ADGRV1: variants seen among roughly 807,000 people sequenced by gnomAD.
ADGRV1 encodes the protein adhesion G protein-coupled receptor V1.
In ADGRV1, 359 loss-of-function variants were observed where a neutral mutation model predicts 596.2. The ratio of observed to expected loss-of-function variants is 0.60; its 90% CI spans 0.55 to 0.66. ADGRV1 has a LOEUF of 0.66. ADGRV1 is among the 30% of genes least tolerant of loss of function. The pLI, the probability that ADGRV1 is intolerant of heterozygous loss-of-function variation, is 0.00. For synonymous variants in ADGRV1, 2,681 were observed against 2,679.2 expected, an observed-to-expected ratio of 1.00 and a Z score of -0.02; for missense variants, 7,274 against 7,575.6, an observed-to-expected ratio of 0.96 and a Z score of 1.48.
intron 38 of ADGRV1, 25 bp from the exon 39 acceptor site, chr5:90,708,790 GA>G (rs1427306579): frequency 2.1e-6 from 3 of 1,414,476 alleles, no homozygotes; most frequent in Non-Finnish European, 3.0e-6. Flanking sequence ...ATAACTAAAG[GA>G]ATTTAATGAG....
intron 85 of ADGRV1, among the ~76,000 whole-genome samples, chr5:90,997,177 A>C (rs1204978223): frequency 6.6e-6 from 1 of 152,066 alleles, no homozygotes; most frequent in East Asian, 1.9e-4. Flanking sequence ...TGGTAGTATG[A>C]TATAGTTTGG....
At chr5:90,644,601 A>G in intron 14 of ADGRV1, 105 bp from the exon 15 acceptor site, 1 of 841,740 alleles carries the variant, frequency 1.2e-6, no homozygotes, top group Non-Finnish European at 1.9e-6. Context: ...CAGTTATTAA[A>G]AAGAGGTGTT....
intron 77 of ADGRV1, among the ~76,000 whole-genome samples, chr5:90,836,775 G>A (rs1388245367): frequency 6.6e-6 from 1 of 152,174 alleles, no homozygotes; most frequent in Non-Finnish European, 1.5e-5. Flanking sequence ...ATAACTGCAT[G>A]TAAATCTGCA....
At position 90,753,726 on chromosome 5, in the gene ADGRV1, G is replaced by C. The variant is rs1755522886; in HGVS notation, c.11274G>C (p.Gln3758His). Residue 3758 changes from glutamine (Q) to histidine (H), a missense_variant, in exon 54 of 90, where the codon CAG becomes CAC. Gln to His is a conservative substitution (Grantham distance 24). This residue lies in a region of ADGRV1 where 3,643 missense variants were observed against 3,809.2 expected (regional missense o/e 0.96). Transcript: ENST00000405460. ...EDSYKGATIDQDRSKSVITTL... is the reference protein window; with the variant it reads ...EDSYKGATIDHDRSKSVITTL... The stretch of plus-strand genomic sequence containing the variant: ...CATACAAAGGTGCTACTATTGATCA[G>C]GACAGAAGCAAGTCTGTTATAACAA... 1 of 1,613,442 alleles carries C rather than the reference G, an allele frequency of 6.2e-7. No individual in the cohort carries two copies. The highest frequency in any genetic ancestry group is 1.3e-5 in the African/African-American group (1 of 74,890).
At chr5:90,857,464 A>G (rs562971083) in intron 82 of ADGRV1, among the ~76,000 whole-genome samples, 20 of 152,180 alleles carry the variant, frequency 1.3e-4, no homozygotes, top group Non-Finnish European at 2.9e-4. Context: ...AGGACTGAAT[A>G]TAATGAGTTT....
chr5:91,141,820 G>A (rs1795124890), intron 87 of ADGRV1, among the ~76,000 whole-genome samples: 2 of 152,188 alleles, frequency 1.3e-5, no homozygotes. Flanking sequence ...AGGGGTGTCT[G>A]CCAAGGGGAC....
intron 83 of ADGRV1, among the ~76,000 whole-genome samples, chr5:90,959,477 T>C (rs1777781362): frequency 6.6e-6 from 1 of 152,126 alleles, no homozygotes; most frequent in Non-Finnish European, 1.5e-5. Context: ...ATAAAAGTCA[T>C]ATGGAAATGC....
intron 56 of ADGRV1, 81 bp downstream of exon 56, chr5:90,756,711 C>A: frequency 8.5e-7 from 1 of 1,171,308 alleles, no homozygotes. Context: ...TTTAGCTTTG[C>A]CTGTATTTAT....
chr5:90,724,094 A>T (rs1003016438), intron 45 of ADGRV1, among the ~76,000 whole-genome samples: 4 of 152,088 alleles, frequency 2.6e-5, no homozygotes, highest in Non-Finnish European at 4.4e-5. Context: ...AATAGCGTAA[A>T]TTTTTTAAAC....
chr5:90,643,798 T>C lies in ADGRV1; in HGVS notation c.2554-5T>C. The C allele has an allele frequency of 6.3e-7, 1 of 1,589,982 alleles. No individual in the cohort carries two copies. Among genetic ancestry groups the C allele is most frequent in the South Asian group, 1.2e-5 (1 of 85,876 alleles). ...AATTTCCATACTTTGACACATTCAC[T>C]TTAGTTGGATGAACACTACTGGGTG... On this transcript the variant is annotated splice_polypyrimidine_tract_variant and splice_region_variant and intron_variant, in intron 13 of 89. Transcript: ENST00000405460.
intron 84 of ADGRV1, among the ~76,000 whole-genome samples, chr5:90,975,879 G>T (rs528422278): frequency 3.2e-4 from 48 of 151,442 alleles, no homozygotes; most frequent in African/African-American, 1.1e-3. Flanking sequence ...ATAAGGCAGG[G>T]TTATATCTAC....
intron 45 of ADGRV1, among the ~76,000 whole-genome samples, chr5:90,722,540 A>G (rs535954544): frequency 4.2e-4 from 64 of 151,322 alleles, no homozygotes; most frequent in Non-Finnish European, 5.8e-4. Context: ...GAGAAACCCC[A>G]TCTCTACTAA....
chr5:90,643,805 G>C lies in ADGRV1; in HGVS notation c.2556G>C (p.Leu852Phe). 1 of 1,594,464 alleles carries C rather than the reference G, an allele frequency of 6.3e-7. No homozygotes were observed. The highest frequency in any genetic ancestry group is 8.5e-7 in the Non-Finnish European group (1 of 1,170,482). The change falls in exon 14 of 90, where the codon TTG (leucine) becomes TTC (phenylalanine). Residue 852 changes from leucine (L) to phenylalanine (F), a missense_variant and splice_region_variant. Leu to Phe is a conservative substitution (Grantham distance 22). Coordinates refer to ENST00000405460, the MANE Select transcript of ADGRV1 (RefSeq NM_032119.4). ...ATACTTTGACACATTCACTTTAGTT[G>C]GATGAACACTACTGGGTGGTCCTCA... is the stretch of plus-strand genomic sequence containing the variant. Reference protein sequence around the residue: ...LLARLDGIPELDEHYWVVLSS... With the variant: ...LLARLDGIPEFDEHYWVVLSS...
rs1404081560 is a variant in ADGRV1, at chr5:90,848,673, G to A, written c.17056G>A (p.Ala5686Thr). 1 of 1,553,398 alleles carries A rather than the reference G, an allele frequency of 6.4e-7. No homozygotes were observed. The highest frequency in any genetic ancestry group is 1.4e-5 in the African/African-American group (1 of 72,466). Residue 5686 changes from alanine (A) to threonine (T), a missense_variant, in exon 79 of 90, where the codon GCC becomes ACC. Around this residue, in one of 5 missense-constraint regions of ADGRV1, gnomAD observed 1,874 missense variants for 1,970.2 expected, o/e 0.95. Transcript: ENST00000405460. ...TEGKIQAFSV[A>T]SRTLFYEILC... ...AGGAAAAATTCAAGCTTTCAGTGTT[G>A]CCAGCCGAACTCTTTTCTATGAGAT... is the stretch of plus-strand genomic sequence containing the variant.
chr5:91,048,667 TTC>T (rs1350416820), intron 85 of ADGRV1, among the ~76,000 whole-genome samples: 1 of 152,212 alleles, frequency 6.6e-6, no homozygotes, highest in Non-Finnish European at 1.5e-5. Context: ...CTGACTTTCT[TTC>T]TCTCTTTCCT....
intron 15 of ADGRV1, 67 bp from the exon 16 acceptor site, chr5:90,645,901 T>A (rs1767681799): frequency 1.6e-6 from 2 of 1,260,688 alleles, no homozygotes; most frequent in South Asian, 2.0e-5. Flanking sequence ...ACTGAATAAT[T>A]TAAGAATATA....
chr5:90,776,294 CAG>C (rs1397361240), intron 60 of ADGRV1, among the ~76,000 whole-genome samples, 157 bp from the exon 61 acceptor site: 1 of 152,066 alleles, frequency 6.6e-6, no homozygotes, highest in Non-Finnish European at 1.5e-5. Context: ...CAATGTGCTT[CAG>C]AGTCATAGGT....
At chr5:90,618,030 A>G (rs1045906466) in intron 3 of ADGRV1, 77 bp downstream of exon 3, 4 of 1,123,190 alleles carry the variant, frequency 3.6e-6, no homozygotes, top group Admixed American at 2.7e-5. Flanking sequence ...GTGCTTAACA[A>G]TCTATCTATC....
chr5:91,054,264 C>G (rs1238837037), intron 85 of ADGRV1, among the ~76,000 whole-genome samples: 1 of 152,126 alleles, frequency 6.6e-6, no homozygotes, highest in African/African-American at 2.4e-5. Context: ...TCATTTCTCT[C>G]ATTTTTAATT....
Sources: allele counts gnomAD v4.1 joint callset (sites outside exome capture counted in the v4.1 genomes callset), GRCh38; gene constraint gnomAD v4.1.1; regional missense constraint gnomAD v4.1.1; transcripts MANE v1.5; gene names NCBI Gene and HGNC (gene_info 2026-07-23, HGNC 2026-07-21).